SCML2: variants seen among roughly 807,000 people sequenced by gnomAD.
The protein encoded by SCML2 is sex comb on midleg-like protein 2.
SCML2 carries 6 observed loss-of-function variants against 48.4 expected under a neutral mutation model. The ratio of observed to expected loss-of-function variants is 0.12; its 90% CI spans 0.07 to 0.24. SCML2 has a LOEUF of 0.24. Among genes scored for constraint, SCML2 ranks in the 10% least tolerant of loss-of-function variants. The pLI is 1.00. For missense variants in SCML2, 377 were observed against 528.2 expected (o/e 0.71, Z 2.81); for synonymous variants, 181 against 189.5 (o/e 0.95, Z 0.37).
intron 6 of SCML2, among the ~76,000 whole-genome samples, chrX:18,308,421 C>G (rs1175191567): frequency 1.8e-5 from 2 of 109,219 alleles, no homozygotes; most frequent in African/African-American, 6.7e-5. Flanking sequence ...TACTGGCAAA[C>G]TATCCATCAC....
intron 6 of SCML2, 116 bp downstream of exon 6, chrX:18,320,216 G>C: frequency 2.3e-6 from 1 of 440,957 alleles, no homozygotes; most frequent in South Asian, 6.4e-5. Context: ...TAATACACTT[G>C]CCAATCCAGT....
chrX:18,265,765 A>C lies in SCML2; in HGVS notation c.768T>G (p.Ser256=), dbSNP rs763443560. The C allele has an allele frequency of 2.0e-5, 24 of 1,209,722 alleles. 1 individual carries two copies. The South Asian group carries it at 4.2e-4, about 21-fold the overall frequency. Residue 256 remains serine (S), a synonymous_variant, in exon 8 of 15, where the codon TCT becomes TCG. Coordinates refer to ENST00000251900, the MANE Select transcript of SCML2 (RefSeq NM_006089.3). Reference sequence around the variant, plus strand: ...TTGAATGCTGGCTTGCTTCGGAAGGAGAAGACTCTGTTTTTGCTATATTCT... The same window carrying C: ...TTGAATGCTGGCTTGCTTCGGAAGGCGAAGACTCTGTTTTTGCTATATTCT... ...IVKNIAKTES[S]PSEASQHSMQ...
intron 6 of SCML2, among the ~76,000 whole-genome samples, chrX:18,319,183 G>A (rs1455665261): frequency 9.0e-6 from 1 of 111,476 alleles, no homozygotes; most frequent in African/African-American, 3.3e-5. Context: ...CTGAGCCCAG[G>A]AGTTCAAGAC....
intron 6 of SCML2, among the ~76,000 whole-genome samples, chrX:18,307,158 C>G (rs1003066245): frequency 3.6e-5 from 4 of 110,368 alleles, no homozygotes; most frequent in Non-Finnish European, 7.6e-5. Context: ...TGGCAGCACA[C>G]CTGTAGTCCC....
chrX:18,342,332 T>C lies in SCML2; in HGVS notation c.-24-8237A>G, dbSNP rs756593658. 2.4e-4 allele frequency among the ~76,000 whole-genome samples: 27 copies of C among 110,486 alleles called. No homozygotes were observed. In the Admixed American group the frequency reaches 2.6e-3, roughly 11 times the overall value. On this transcript the variant is annotated intron_variant, in intron 1 of 14. Coordinates refer to ENST00000251900, the MANE Select transcript of SCML2 (RefSeq NM_006089.3). ...GCAATTCCACTGTGTGAAAAAACAT[T>C]CAAATGTAAGTAAGCCTTAAAAAAA...
At position 18,303,548 on chromosome X, in the gene SCML2, C is replaced by A. The variant is rs778170563; in HGVS notation, c.730+1424G>T. Among the ~76,000 whole-genome samples, 34 of 112,055 alleles carry A rather than the reference C, an allele frequency of 3.0e-4. No individual in the cohort carries two copies. In the South Asian group the frequency reaches 0.012, roughly 40 times the overall value. On this transcript the variant is annotated intron_variant, in intron 7 of 14. Coordinates refer to ENST00000251900, the MANE Select transcript of SCML2 (RefSeq NM_006089.3). ...CAGCCAAGACTGGAAGACTTTGGGC[C>A]ACCTCCACATCTAGCATACATCTCT...
At chrX:18,245,451 A>T (rs1277375096) in intron 13 of SCML2, among the ~76,000 whole-genome samples, 2 of 111,949 alleles carry the variant, frequency 1.8e-5, no homozygotes, top group African/African-American at 6.5e-5. Context: ...CTATTGTTAG[A>T]CTCTGCAAGC....
intron 1 of SCML2, among the ~76,000 whole-genome samples, chrX:18,337,647 A>G (rs754404281): frequency 1.6e-3 from 181 of 111,871 alleles, no homozygotes; most frequent in Non-Finnish European, 2.2e-3. Flanking sequence ...TAAAAAAGAA[A>G]TAGATAAATC....
chrX:18,324,193 A>G (rs1052101960), intron 4 of SCML2, 100 bp from the exon 5 acceptor site: 3 of 519,361 alleles, frequency 5.8e-6, no homozygotes, highest in Non-Finnish European at 9.7e-6. Context: ...TTTAAATAAC[A>G]GTCACAGTGG....
intron 7 of SCML2, among the ~76,000 whole-genome samples, chrX:18,267,590 GT>G (rs766175364): frequency 1.7e-4 from 17 of 100,479 alleles, no homozygotes; most frequent in East Asian, 3.1e-4. Context: ...TTTTGTTTGG[GT>G]TTTTTTTTTT....
intron 7 of SCML2, among the ~76,000 whole-genome samples, chrX:18,270,628 A>G (rs1007873653): frequency 1.8e-5 from 2 of 111,258 alleles, no homozygotes; most frequent in African/African-American, 6.5e-5. Flanking sequence ...GTAACCATTC[A>G]ATATATTACA....
At chrX:18,241,687 A>T (rs1315845976) in intron 14 of SCML2, among the ~76,000 whole-genome samples, 1 of 112,196 alleles carries the variant, frequency 8.9e-6, no homozygotes, top group Non-Finnish European at 1.9e-5. Context: ...AAGATCAAAA[A>T]TTATGAATGG....
At chrX:18,312,978 CGTGT>C (rs72406000) in intron 6 of SCML2, among the ~76,000 whole-genome samples, 7,633 of 94,625 alleles carry the variant, frequency 0.081, 486 homozygotes, top group African/African-American at 0.22. Context: ...AATGGGTGTG[CGTGT>C]GTGTGTGTGT....
rs868724786 is a variant in SCML2, at chrX:18,257,017, C to T, written c.1287G>A (p.Gly429=). 8.5e-7 allele frequency: 1 copy of T among 1,178,709 alleles called. No homozygotes were observed. Among genetic ancestry groups the T allele is most frequent in the Non-Finnish European group, 1.1e-6 (1 of 880,584 alleles). The part of the protein sequence containing the change: ...GGEVITASFD[G]ETHSIQLPPV... ...GAGGGAGCTGGATGGAATGAGTTTC[C>T]CCATCAAAGGAGGCTATTGGGGGAA... Residue 429 remains glycine (G), a synonymous_variant, in exon 11 of 15, where the codon GGG becomes GGA. Transcript: ENST00000251900.
chrX:18,344,168 TA>T (rs1054567791), intron 1 of SCML2, among the ~76,000 whole-genome samples: 20 of 106,064 alleles, frequency 1.9e-4, no homozygotes, highest in African/African-American at 4.1e-4. Flanking sequence ...ACCCTGTCTC[TA>T]AAAAAAAAAT....
intron 1 of SCML2, among the ~76,000 whole-genome samples, chrX:18,354,148 C>T (rs1930463249): frequency 8.9e-6 from 1 of 112,825 alleles, no homozygotes; most frequent in East Asian, 2.8e-4. Flanking sequence ...CGTTTCCCTC[C>T]CAAACTCCAA....
intron 7 of SCML2, among the ~76,000 whole-genome samples, chrX:18,301,071 G>A (rs754385301): frequency 2.7e-5 from 3 of 111,886 alleles, no homozygotes; most frequent in Non-Finnish European, 5.6e-5. Context: ...GAAGCCAGAT[G>A]GAAGTTGCAG....
chrX:18,347,144 T>A (rs1930222559), intron 1 of SCML2, among the ~76,000 whole-genome samples: 1 of 111,939 alleles, frequency 8.9e-6, no homozygotes, highest in Admixed American at 9.6e-5. Flanking sequence ...TTAAGACTAA[T>A]CAATATTAAG....
intron 2 of SCML2, among the ~76,000 whole-genome samples, chrX:18,331,258 T>C (rs1356488985): frequency 3.0e-4 from 1 of 3,299 alleles, no homozygotes; most frequent in African/African-American, 1.1e-3. Context: ...AGACTCCGTC[T>C]CAAAAAAAAA....
Sources: allele counts gnomAD v4.1 joint callset (sites outside exome capture counted in the v4.1 genomes callset), GRCh38; gene constraint gnomAD v4.1.1; transcripts MANE v1.5; gene names NCBI Gene and HGNC (gene_info 2026-07-23, HGNC 2026-07-21).